The following GRM8 variants were observed in gnomAD, a reference collection of about 807,000 sequenced individuals.
GRM8 encodes glutamate metabotropic receptor 8, also known as metabotropic glutamate receptor 8.
GRM8 carries 47 observed loss-of-function variants against 87.2 expected under a neutral mutation model. The observed-to-expected ratio is 0.54, with a 90% CI of 0.43 to 0.69. The LOEUF is 0.69. Among genes scored for constraint, GRM8 ranks in the 30% least tolerant of loss-of-function variants. The probability of loss-of-function intolerance (pLI) is 0.00; values close to 1 mark genes in which losing one functional copy is unlikely to be tolerated. For synonymous variants in GRM8, 396 were observed against 404.5 expected (o/e 0.98, Z 0.25); for missense variants, 1,019 against 1,139.2 (o/e 0.89, Z 1.52).
intron 8 of GRM8, among the ~76,000 whole-genome samples, chr7:126,579,407 T>C (rs1034456664): frequency 2.6e-5 from 4 of 152,252 alleles, no homozygotes; most frequent in African/African-American, 7.2e-5. Flanking sequence ...AAAAACTTTC[T>C]ATAAACTAAG....
chr7:127,031,374 T>A (rs554977590), intron 3 of GRM8, among the ~76,000 whole-genome samples: 3 of 152,234 alleles, frequency 2.0e-5, no homozygotes, highest in East Asian at 1.9e-4. Context: ...ACTATTTTTT[T>A]AAATTATTTA....
intron 3 of GRM8, among the ~76,000 whole-genome samples, chr7:126,960,833 A>G (rs1050439790): frequency 3.3e-5 from 5 of 152,170 alleles, no homozygotes; most frequent in African/African-American, 4.8e-5. Flanking sequence ...TTTTCTTGCT[A>G]TTCCCACTTT....
At chr7:126,505,021 C>A (rs904097902) in intron 9 of GRM8, among the ~76,000 whole-genome samples, 4 of 151,998 alleles carry the variant, frequency 2.6e-5, no homozygotes, top group African/African-American at 9.7e-5. Flanking sequence ...GCTTCAATTG[C>A]ACAGTTGGAG....
chr7:126,923,643 C>T (rs1013194349), intron 3 of GRM8, among the ~76,000 whole-genome samples: 6 of 152,266 alleles, frequency 3.9e-5, no homozygotes, highest in Admixed American at 6.5e-5. Flanking sequence ...CAGGGAAACA[C>T]GTGAGAACCC....
At chr7:126,612,535 T>G (rs1260418559) in intron 7 of GRM8, among the ~76,000 whole-genome samples, 2 of 152,192 alleles carry the variant, frequency 1.3e-5, no homozygotes, top group Non-Finnish European at 2.9e-5. Flanking sequence ...TGTCCTAACA[T>G]GCAATATCGA....
chr7:126,895,084 G>C (rs1388632596), intron 6 of GRM8, among the ~76,000 whole-genome samples: 3 of 151,940 alleles, frequency 2.0e-5, no homozygotes, highest in African/African-American at 7.2e-5. Context: ...TAGTAATTAA[G>C]CTTCCCACTT....
intron 7 of GRM8, among the ~76,000 whole-genome samples, chr7:126,693,070 G>A (rs571033638): frequency 1.3e-5 from 2 of 152,124 alleles, no homozygotes; most frequent in South Asian, 2.1e-4. Flanking sequence ...CAAACTAATC[G>A]CCTCAAACTT....
At chr7:126,941,528 G>A (rs888661861) in intron 3 of GRM8, among the ~76,000 whole-genome samples, 4 of 151,342 alleles carry the variant, frequency 2.6e-5, no homozygotes, top group Non-Finnish European at 4.4e-5. Flanking sequence ...GCTGAGGCAG[G>A]AGAATGGCGT....
Position 126,595,413 on chromosome 7 carries a change from AT to A in GRM8, c.1494+13948del, listed in dbSNP as rs748122988. ...ATTTTATTTTATTTTATTTTATTTT[AT>A]TTTATTTTATTTTATTATTTTATTA... On this transcript the variant is annotated intron_variant, in intron 8 of 10. Coordinates refer to ENST00000339582, the MANE Select transcript of GRM8 (RefSeq NM_000845.3). Among the ~76,000 whole-genome samples the A allele has an allele frequency of 2.2e-5, 3 of 139,116 alleles. No homozygotes were observed. In the East Asian group the frequency reaches 6.3e-4, roughly 29 times the overall value. The allele number at this position is 139,116 out of a possible 152,430, so 91.3% of individuals were successfully genotyped here.
In GRM8 at chr7:127,242,734, G is replaced by A. The variant is rs146190169; in HGVS notation, c.471C>T (p.Ser157=). ...AAATGTTAGCAACCATGATGGACAC[G>A]GAGCTTGCTGCAGCACCTATGACGC... ...ISGVIGAAAS[S]VSIMVANILR... is the part of the protein sequence containing the mutation. Residue 157 remains serine (S), a synonymous_variant, in exon 2 of 11, where the codon TCC becomes TCT. Transcript: ENST00000339582. 96 of 1,614,182 alleles carry A rather than the reference G, an allele frequency of 5.9e-5. No individual in the cohort carries two copies. In the African/African-American group the frequency reaches 9.2e-4, roughly 15 times the overall value.
intron 2 of GRM8, among the ~76,000 whole-genome samples, chr7:127,107,977 T>C (rs531885204): frequency 1.3e-5 from 2 of 152,198 alleles, no homozygotes; most frequent in Non-Finnish European, 2.9e-5. Context: ...TCCACCTGCA[T>C]TGGCCGTAAC....
At chr7:127,069,120 G>C (rs1019553089) in intron 3 of GRM8, among the ~76,000 whole-genome samples, 1 of 152,042 alleles carries the variant, frequency 6.6e-6, no homozygotes, top group Non-Finnish European at 1.5e-5. Context: ...TCTTTCCACA[G>C]GCAGCCAGTA....
chr7:126,725,799 G>A (rs575161288), intron 7 of GRM8, among the ~76,000 whole-genome samples: 5 of 152,224 alleles, frequency 3.3e-5, no homozygotes, highest in South Asian at 2.1e-4. Context: ...AAGGCAAAGC[G>A]GGAACAAGCA....
intron 3 of GRM8, among the ~76,000 whole-genome samples, chr7:127,051,753 A>G (rs1819511096): frequency 6.6e-6 from 1 of 150,540 alleles, no homozygotes; most frequent in African/African-American, 2.4e-5. Context: ...AAAAAAAAAA[A>G]AAAAAAAAAA....
intron 3 of GRM8, among the ~76,000 whole-genome samples, chr7:126,999,643 T>C (rs1199262913): frequency 6.6e-6 from 1 of 151,736 alleles, no homozygotes; most frequent in Non-Finnish European, 1.5e-5. Flanking sequence ...AGGTGCTCAA[T>C]GTCACTGATC....
intron 9 of GRM8, among the ~76,000 whole-genome samples, chr7:126,459,401 A>G (rs897837045): frequency 8.8e-6 from 1 of 114,172 alleles, no homozygotes; most frequent in East Asian, 2.6e-4. Flanking sequence ...CAAGGAAAAC[A>G]AGGAAAGTAT....
rs146254585 is a variant in GRM8 at position 126,895,413 on chromosome 7, T to C, written c.1156+7129A>G. 2.4e-3 allele frequency among the ~76,000 whole-genome samples: 370 copies of C among 152,170 alleles called. 1 individual carries two copies. The highest frequency in any genetic ancestry group is 8.5e-3 in the African/African-American group (354 of 41,546). ...ACCCTAGAGCTCACCAGGATCCATG[T>C]CACCTGGAACTCATCAGAAATGCAG... On this transcript the variant is annotated intron_variant, in intron 6 of 10. Coordinates refer to ENST00000339582, the MANE Select transcript of GRM8 (RefSeq NM_000845.3).
intron 2 of GRM8, among the ~76,000 whole-genome samples, chr7:127,202,987 C>T (rs1257362982): frequency 6.6e-6 from 1 of 152,168 alleles, no homozygotes; most frequent in Non-Finnish European, 1.5e-5. Context: ...AATTTCCTCA[C>T]ATTTAATTAG....
chr7:126,868,482 G>A (rs995285878), intron 6 of GRM8, among the ~76,000 whole-genome samples: 5 of 152,236 alleles, frequency 3.3e-5, no homozygotes, highest in African/African-American at 9.6e-5. Context: ...TTGGAAGAGA[G>A]AAATGGTAGA....
Sources: gnomAD v4.1 joint callset for allele counts (sites outside exome capture counted in the v4.1 genomes callset) on GRCh38, gnomAD v4.1.1 for gene constraint, MANE v1.5 for transcripts, NCBI Gene and HGNC (gene_info 2026-07-23, HGNC 2026-07-21) for gene names.